The following DCAF6 variants were observed in gnomAD, a reference collection of about 807,000 sequenced individuals.
DCAF6 encodes DDB1- and CUL4-associated factor 6.
A neutral mutation model predicts 125.1 loss-of-function variants in DCAF6; 54 were observed. The ratio of observed to expected loss-of-function variants is 0.43; its 90% CI spans 0.35 to 0.54. DCAF6 has a LOEUF of 0.54. Ranked by LOEUF, DCAF6 falls within the 20% of genes least tolerant of loss-of-function variation. The pLI is 0.01. For missense variants in DCAF6, 934 were observed against 1,161.7 expected (o/e 0.80, Z 2.85); for synonymous variants, 371 against 390.4 (o/e 0.95, Z 0.58).
intron 20 of DCAF6, 127 bp from the exon 21 acceptor site, chr1:168,068,231 C>A: frequency 1.8e-6 from 1 of 549,800 alleles, no homozygotes; most frequent in Non-Finnish European, 3.3e-6. Context: ...GAAATATAGA[C>A]ATCAGACGCA....
At chr1:168,015,723 T>C (rs1300341496) in intron 10 of DCAF6, 58 bp from the exon 11 acceptor site, 1 of 1,335,804 alleles carries the variant, frequency 7.5e-7, no homozygotes, top group African/African-American at 1.5e-5. Flanking sequence ...ATAATCAAAT[T>C]CTTATTATTT....
At chr1:167,962,438 G>A (rs182130977) in intron 2 of DCAF6, among the ~76,000 whole-genome samples, 4 of 151,886 alleles carry the variant, frequency 2.6e-5, no homozygotes, top group Admixed American at 1.3e-4. Flanking sequence ...CCTCTTTATC[G>A]TTATGAAATA....
Position 168,008,943 on chromosome 1 carries a change from T to TTC in DCAF6, c.1378+4160_1378+4161dup, listed in dbSNP as rs1429658761. On this transcript the variant is annotated intron_variant, in intron 10 of 21. Transcript: ENST00000367840. ...ACTTGCTTGCTTTCTCTCTCTCTCT[T>TTC]TCTCTCTCTCTTTTCTTTCTTTTCT... is the stretch of plus-strand genomic sequence containing the variant. 2.8e-5 allele frequency among the ~76,000 whole-genome samples: 4 copies of TTC among 141,520 alleles called. No homozygotes were observed. The East Asian group carries it at 6.8e-4, about 24-fold the overall frequency. 92.8% of individuals were successfully genotyped at this position (141,520 alleles called of 152,430 possible). A position where few individuals can be genotyped will look rare whatever the true frequency, so the allele number is the denominator to read the frequency against.
At chr1:167,897,189 A>G in the DCAF6 span, among the ~76,000 whole-genome samples, 45 of 151,604 alleles carry the variant, frequency 3.0e-4, no homozygotes, top group African/African-American at 1.1e-3. Context: ...AAAAAAAAAA[A>G]GCATAAACTT....
chr1:168,016,007 AC>A, intron 11 of DCAF6, 56 bp downstream of exon 11: 1 of 1,347,888 alleles, frequency 7.4e-7, no homozygotes, highest in South Asian at 1.9e-5. Context: ...TAATACTGCT[AC>A]TGTGTAATAA....
At chr1:167,888,541 C>G in the DCAF6 span, among the ~76,000 whole-genome samples, 9 of 152,020 alleles carry the variant, frequency 5.9e-5, no homozygotes, top group East Asian at 1.7e-3. Context: ...GGATTACTTT[C>G]TTGATTTCTT....
intron 2 of DCAF6, among the ~76,000 whole-genome samples, 167 bp downstream of exon 2, chr1:167,952,028 C>G (rs1349608841): frequency 1.3e-5 from 2 of 152,048 alleles, no homozygotes; most frequent in East Asian, 1.9e-4. Flanking sequence ...AGAGTGTATG[C>G]AAGATTTTTT....
intron 20 of DCAF6, among the ~76,000 whole-genome samples, chr1:168,066,681 ATCG>A (rs1436206337): frequency 6.6e-6 from 1 of 152,186 alleles, no homozygotes; most frequent in African/African-American, 2.4e-5. Flanking sequence ...AATATTCATC[ATCG>A]GTAACACCAG....
chr1:168,073,378 G>T (rs560530689), intron 21 of DCAF6, among the ~76,000 whole-genome samples: 1 of 152,268 alleles, frequency 6.6e-6, no homozygotes, highest in Non-Finnish European at 1.5e-5. Context: ...GAGAAGTTGG[G>T]CTTACATTCT....
chr1:168,027,071 A>G (rs937200483), intron 12 of DCAF6, among the ~76,000 whole-genome samples: 5 of 152,296 alleles, frequency 3.3e-5, no homozygotes, highest in Non-Finnish European at 5.9e-5. Context: ...ATGTAAATCA[A>G]TGATACCAAC....
intron 1 of DCAF6, among the ~76,000 whole-genome samples, chr1:167,943,383 C>T (rs893316050): frequency 6.6e-6 from 1 of 152,170 alleles, no homozygotes; most frequent in African/African-American, 2.4e-5. Context: ...TGAATCTTCT[C>T]ATCTGTGGTT....
chr1:168,025,266 T>C (rs1394574381), intron 12 of DCAF6, among the ~76,000 whole-genome samples: 1 of 152,142 alleles, frequency 6.6e-6, no homozygotes, highest in African/African-American at 2.4e-5. Flanking sequence ...AAGAGAAAAA[T>C]TATGATTAAC....
At chr1:167,867,521 T>C in the DCAF6 span, among the ~76,000 whole-genome samples, 5 of 152,178 alleles carry the variant, frequency 3.3e-5, no homozygotes, top group African/African-American at 1.2e-4. Flanking sequence ...AAAAGAAACT[T>C]GTTTGTATAA....
At position 167,974,908 on chromosome 1, in the gene DCAF6, A is replaced by G; in HGVS notation, c.331A>G (p.Ile111Val). 6.2e-7 allele frequency: 1 copy of G among 1,609,208 alleles called. No homozygotes were observed. The highest frequency in any genetic ancestry group is 8.5e-7 in the Non-Finnish European group (1 of 1,177,686). Residue 111 changes from isoleucine (I) to valine (V), a missense_variant, in exon 4 of 22, where the codon ATT becomes GTT. Transcript: ENST00000367840. ...KFLPCTNDKQIVSCSGDGVIF... is the reference protein window; with the variant it reads ...KFLPCTNDKQVVSCSGDGVIF... ...CTTACCTTGTACAAATGATAAACAG[A>G]TTGTATCCTGCTCTGGAGATGGAGT...
chr1:167,973,624 A>T (rs893338545), intron 3 of DCAF6, among the ~76,000 whole-genome samples: 1 of 152,082 alleles, frequency 6.6e-6, no homozygotes, highest in African/African-American at 2.4e-5. Context: ...TCAATCACTG[A>T]TGTTATTCTT....
intron 4 of DCAF6, among the ~76,000 whole-genome samples, chr1:167,978,283 G>C (rs1289744887): frequency 1.3e-5 from 2 of 152,202 alleles, no homozygotes; most frequent in African/African-American, 4.8e-5. Flanking sequence ...TTATTTTAGA[G>C]ATAAAGCCAA....
Position 168,054,921 on chromosome 1 carries a change from A to C in DCAF6, c.2300+3988A>C, listed in dbSNP as rs547264297. 1.5e-4 allele frequency among the ~76,000 whole-genome samples: 23 copies of C among 151,950 alleles called. 1 individual carries two copies. The South Asian group carries it at 2.1e-3, about 14-fold the overall frequency. Reference sequence around the variant, plus strand: ...AACCTCTGCCTGCTGGGTTCAAGCAATTCTCCTGCCTCAGCCTCCCAAGTA... The same window carrying C: ...AACCTCTGCCTGCTGGGTTCAAGCACTTCTCCTGCCTCAGCCTCCCAAGTA... On this transcript the variant is annotated intron_variant, in intron 17 of 21. Coordinates refer to ENST00000367840, the MANE Select transcript of DCAF6 (RefSeq NM_001198956.2).
chr1:167,904,526 T>C, the DCAF6 span: 2 of 296,084 alleles, frequency 6.8e-6, no homozygotes, highest in Non-Finnish European at 1.2e-5. Flanking sequence ...AATTCTCAAC[T>C]GTACAGTGAT....
In DCAF6 at chr1:167,960,688, C is replaced by G. The variant is rs111624453; in HGVS notation, c.160-5941C>G. Among the ~76,000 whole-genome samples the G allele has an allele frequency of 2.9e-3, 446 of 152,254 alleles. 1 individual carries two copies. The highest frequency in any genetic ancestry group is 0.01 in the African/African-American group (424 of 41,544). Reference sequence around the variant, plus strand: ...AATTCCATTGTGGTCTAAGAGTAGACACTGTATGATTTTTATTCTTTTAAA... The same window carrying G: ...AATTCCATTGTGGTCTAAGAGTAGAGACTGTATGATTTTTATTCTTTTAAA... On this transcript the variant is annotated intron_variant, in intron 2 of 21. Transcript: ENST00000367840.
Sources: gnomAD v4.1 joint callset for allele counts (sites outside exome capture counted in the v4.1 genomes callset) on GRCh38, gnomAD v4.1.1 for gene constraint, MANE v1.5 for transcripts, NCBI Gene and HGNC (gene_info 2026-07-23, HGNC 2026-07-21) for gene names.